Variants in PCDHGA5 observed in about 807,000 individuals in gnomAD.
PCDHGA5 encodes protocadherin gamma-A5.
A neutral mutation model predicts 56.7 loss-of-function variants in PCDHGA5; 36 were observed. The ratio of observed to expected loss-of-function variants is 0.64; its 90% CI spans 0.49 to 0.84. The LOEUF is 0.84. Ranked by LOEUF, PCDHGA5 falls within the 40% of genes least tolerant of loss-of-function variation. The pLI is 0.00. For synonymous variants in PCDHGA5, 563 were observed against 520.2 expected (o/e 1.08, Z -1.12); for missense variants, 1,305 against 1,201.5 (o/e 1.09, Z -1.27).
chr5:141,506,180 G>T (rs548366782), intron 3 of PCDHGA5, among the ~76,000 whole-genome samples: 44 of 152,294 alleles, frequency 2.9e-4, no homozygotes, highest in Non-Finnish European at 5.7e-4. Context: ...GCTGGGCGTG[G>T]TGGCTCACGC....
chr5:141,457,417 CTTTT>C (rs894846890), intron 1 of PCDHGA5, among the ~76,000 whole-genome samples: 4 of 152,180 alleles, frequency 2.6e-5, no homozygotes, highest in Admixed American at 2.6e-4. Context: ...TTACCCATCC[CTTTT>C]TCCCCCCCAC....
chr5:141,465,761 G>A (rs1040750106), intron 1 of PCDHGA5, among the ~76,000 whole-genome samples: 2 of 151,634 alleles, frequency 1.3e-5, no homozygotes, highest in African/African-American at 4.8e-5. Flanking sequence ...GTAAAGTCAT[G>A]TTTCATCTCT....
At chr5:141,419,674 C>A (rs372932653) in intron 1 of PCDHGA5, 1 of 1,612,938 alleles carries the variant, frequency 6.2e-7, no homozygotes, top group Non-Finnish European at 8.5e-7. Flanking sequence ...CCTGGCTGTC[C>A]TACCACGTGG....
chr5:141,490,317 C>A lies in PCDHGA5; in HGVS notation c.2422-4490C>A, dbSNP rs2233604. ...TATTGGCCTCTTTGGCCAACCCTGT[C>A]CTAGAGAGCACACCAGTGGGCACAG... On this transcript the variant is annotated intron_variant, in intron 1 of 3. Coordinates refer to ENST00000518069, the MANE Select transcript of PCDHGA5 (RefSeq NM_018918.3). The surrounding 1 kb of genome is among the most constrained non-coding windows in gnomAD (Gnocchi z 5.4). 32,069 of 1,614,158 alleles carry A rather than the reference C, an allele frequency of 0.02. 521 individuals carry two copies. Among genetic ancestry groups the A allele is most frequent in the African/African-American group, 0.081 (6,098 of 75,022 alleles).
intron 1 of PCDHGA5, chr5:141,420,084 A>G (rs1454284559): frequency 2.5e-6 from 4 of 1,613,890 alleles, no homozygotes; most frequent in African/African-American, 1.3e-5. Context: ...GGTCCCCCCA[A>G]CTACAGTGAG....
Position 141,423,176 on chromosome 5 carries a change from A to C in PCDHGA5, c.2421+56425A>C, listed in dbSNP as rs781125798. Reference sequence around the variant, plus strand: ...AGCCTCGTGGTGGCCGTCCAGGACCACGGCCAGCCCCCTCTCTCGGCCACC... The same window carrying C: ...AGCCTCGTGGTGGCCGTCCAGGACCCCGGCCAGCCCCCTCTCTCGGCCACC... On this transcript the variant is annotated intron_variant, in intron 1 of 3. Transcript: ENST00000518069. 1.7e-5 allele frequency: 28 copies of C among 1,613,356 alleles called. No homozygotes were observed. In the African/African-American group the frequency reaches 3.6e-4, roughly 21 times the overall value.
At chr5:141,495,923 T>G (rs1337381299) in intron 2 of PCDHGA5, among the ~76,000 whole-genome samples, 4 of 152,306 alleles carry the variant, frequency 2.6e-5, no homozygotes, top group South Asian at 2.1e-4. Context: ...TTTCTTTGTC[T>G]CTGTCTCTGG....
chr5:141,419,845 G>A, intron 1 of PCDHGA5: 3 of 1,614,064 alleles, frequency 1.9e-6, no homozygotes, highest in Non-Finnish European at 2.5e-6. Context: ...CGCTGCACCT[G>A]GTGTTCGCAG....
intron 1 of PCDHGA5, chr5:141,399,023 C>T: frequency 6.2e-7 from 1 of 1,613,914 alleles, no homozygotes; most frequent in African/African-American, 1.3e-5. Flanking sequence ...GAAATTACCA[C>T]TCAAAAGAAA....
chr5:141,396,882 G>C (rs2093447309), intron 1 of PCDHGA5, among the ~76,000 whole-genome samples: 3 of 152,208 alleles, frequency 2.0e-5, no homozygotes, highest in African/African-American at 7.2e-5. Flanking sequence ...GCACATTTGA[G>C]AGGACAACAT....
intron 1 of PCDHGA5, chr5:141,404,040 G>C (rs1373988780): frequency 6.2e-7 from 1 of 1,613,692 alleles, no homozygotes; most frequent in Non-Finnish European, 8.5e-7. Flanking sequence ...GCACCTCAGG[G>C]AACAGTAATT....
intron 1 of PCDHGA5, chr5:141,416,346 T>A (rs2096017940): frequency 6.6e-6 from 1 of 152,238 alleles, no homozygotes; most frequent in African/African-American, 2.4e-5. Flanking sequence ...TCAATAGGGA[T>A]CCTGAGGAGG....
intron 1 of PCDHGA5, chr5:141,395,555 TGTGTG>T: frequency 9.9e-6 from 1 of 101,256 alleles, no homozygotes; most frequent in Non-Finnish European, 1.7e-5. Context: ...TGTGTGTGTG[TGTGTG>T]TGTGTGTGTG....
chr5:141,502,577 A>G (rs1260539435), intron 2 of PCDHGA5, among the ~76,000 whole-genome samples: 2 of 152,192 alleles, frequency 1.3e-5, no homozygotes, highest in African/African-American at 4.8e-5. Context: ...TTATAAAAAT[A>G]TATTTTTATA....
At chr5:141,427,132 G>A (rs755992698) in intron 1 of PCDHGA5, 1 of 457,106 alleles carries the variant, frequency 2.2e-6, no homozygotes, top group South Asian at 1.5e-5. Flanking sequence ...AAATCCCTAC[G>A]AGATGATATT....
intron 1 of PCDHGA5, chr5:141,410,448 C>T: frequency 6.2e-7 from 1 of 1,614,006 alleles, no homozygotes; most frequent in Non-Finnish European, 8.5e-7. Context: ...GGGACTTTGC[C>T]TTATTCTTAT....
intron 1 of PCDHGA5, among the ~76,000 whole-genome samples, chr5:141,450,776 C>T (rs757791026): frequency 4.0e-5 from 6 of 151,440 alleles, no homozygotes; most frequent in Non-Finnish European, 8.8e-5. Context: ...CATGAGCCAC[C>T]GTGCCCGGAC....
At chr5:141,452,831 G>A (rs1184490491) in intron 1 of PCDHGA5, among the ~76,000 whole-genome samples, 1 of 152,104 alleles carries the variant, frequency 6.6e-6, no homozygotes, top group Non-Finnish European at 1.5e-5. Flanking sequence ...AAAATCACTT[G>A]GTCCAGCCCA....
At position 141,477,868 on chromosome 5, in the gene PCDHGA5, C is replaced by G; in HGVS notation, c.2422-16939C>G. Reference sequence around the variant, plus strand: ...CGGTGGAGATGCTGCCTCGAGGTACCTCAGCTGGCCACCTAGTGTCACGGG... The same window carrying G: ...CGGTGGAGATGCTGCCTCGAGGTACGTCAGCTGGCCACCTAGTGTCACGGG... On this transcript the variant is annotated intron_variant, in intron 1 of 3. Coordinates refer to ENST00000518069, the MANE Select transcript of PCDHGA5 (RefSeq NM_018918.3). The surrounding 1 kb of genome is among the most constrained non-coding windows in gnomAD (Gnocchi z 4.9). 1 of 1,613,750 alleles carries G rather than the reference C, an allele frequency of 6.2e-7. No individual in the cohort carries two copies. Among genetic ancestry groups the G allele is most frequent in the Non-Finnish European group, 8.5e-7 (1 of 1,179,908 alleles).
Sources: allele counts gnomAD v4.1 joint callset (sites outside exome capture counted in the v4.1 genomes callset), GRCh38; gene constraint gnomAD v4.1.1; non-coding constraint Gnocchi (gnomAD v3.1); transcripts MANE v1.5; gene names NCBI Gene and HGNC (gene_info 2026-07-23, HGNC 2026-07-21).